The following ST18 variants were observed in gnomAD, a reference collection of about 807,000 sequenced individuals.
ST18 encodes ST18 C2H2C-type zinc finger transcription factor, also known as suppression of tumorigenicity 18 protein.
A neutral mutation model predicts 110.0 loss-of-function variants in ST18; 50 were observed. The observed-to-expected ratio is 0.45, with a 90% CI of 0.36 to 0.58. The LOEUF (loss-of-function observed/expected upper bound fraction) is 0.58. Among genes scored for constraint, ST18 ranks in the 20% least tolerant of loss-of-function variants. ST18 has a pLI of 0.00. For synonymous variants in ST18, 461 were observed against 452.4 expected (o/e 1.02, Z -0.24); for missense variants, 1,306 against 1,280.1 (o/e 1.02, Z -0.31).
intron 2 of ST18, among the ~76,000 whole-genome samples, chr8:52,232,601 G>A (rs7844701): frequency 0.035 from 5,311 of 151,998 alleles, 293 homozygotes; most frequent in African/African-American, 0.12. Context: ...TTTGAAGAAC[G>A]TATTATCCTG....
At chr8:52,353,920 C>T (rs1018193266) in intron 2 of ST18, among the ~76,000 whole-genome samples, 2 of 152,204 alleles carry the variant, frequency 1.3e-5, no homozygotes, top group African/African-American at 4.8e-5. Flanking sequence ...CATGGTGTAG[C>T]TACAAAGTCC....
chr8:52,381,189 C>T (rs1834372535), intron 2 of ST18, among the ~76,000 whole-genome samples: 1 of 152,120 alleles, frequency 6.6e-6, no homozygotes, highest in African/African-American at 2.4e-5. Context: ...GAGGCATGTC[C>T]CAGCTACCTG....
chr8:52,137,126 G>A lies in ST18; in HGVS notation c.2231+295C>T, dbSNP rs1025523928. 9.9e-5 allele frequency among the ~76,000 whole-genome samples: 15 copies of A among 152,180 alleles called. No individual in the cohort carries two copies. The East Asian group carries it at 2.9e-3, about 29-fold the overall frequency. ...TTTTCCTCGGGCAAATGGTCGATTT[G>A]AGTCACTGTTGTATTTATTCCTCAT... On this transcript the variant is annotated intron_variant, in intron 18 of 25. Coordinates refer to ENST00000689386, the MANE Select transcript of ST18 (RefSeq NM_001352837.2).
intron 13 of ST18, 103 bp from the exon 14 acceptor site, chr8:52,161,671 A>G (rs1447879379): frequency 1.5e-6 from 2 of 1,291,976 alleles, no homozygotes; most frequent in African/African-American, 3.0e-5. Flanking sequence ...TCCTGAAGGT[A>G]TCCACAGAGA....
rs967891683 is a variant in ST18, at chr8:52,250,640, A to T, written c.-464-20563T>A. On this transcript the variant is annotated intron_variant, in intron 2 of 25. Coordinates refer to ENST00000689386, the MANE Select transcript of ST18 (RefSeq NM_001352837.2). ...GCCGCAGAGAAAGAAAAGTCAAAAC[A>T]CCATTCATGAAATCACCATCCAAAA... Among the ~76,000 whole-genome samples the T allele has an allele frequency of 2.0e-5, 3 of 148,300 alleles. No homozygotes were observed. The South Asian group carries it at 6.4e-4, about 32-fold the overall frequency.
At chr8:52,234,587 G>T (rs374387985) in intron 2 of ST18, among the ~76,000 whole-genome samples, 1 of 152,020 alleles carries the variant, frequency 6.6e-6, no homozygotes, top group Admixed American at 6.6e-5. Context: ...CCCCACTACT[G>T]GGTATCTACC....
chr8:52,310,829 G>A (rs538236450), intron 2 of ST18, among the ~76,000 whole-genome samples: 1 of 151,170 alleles, frequency 6.6e-6, no homozygotes, highest in South Asian at 2.1e-4. Flanking sequence ...GCCATGAGCA[G>A]GTGACTGATG....
intron 23 of ST18, 147 bp from the exon 24 acceptor site, chr8:52,118,588 T>G (rs2043413628): frequency 3.9e-6 from 2 of 512,508 alleles, no homozygotes; most frequent in African/African-American, 2.0e-5. Context: ...TCTGAAAAAG[T>G]GGATAAGAGA....
chr8:52,172,599 A>G lies in ST18; in HGVS notation c.278-16T>C, dbSNP rs1430157267. The G allele has an allele frequency of 1.3e-6, 2 of 1,536,982 alleles. No homozygotes were observed. Among genetic ancestry groups the G allele is most frequent in the Non-Finnish European group, 1.7e-6 (2 of 1,147,274 alleles). ...ATGATTTCCTCTATGGAAAAAGAAA[A>G]CCAATATTTGAAGAGCAAGAACAAA... On this transcript the variant is annotated splice_polypyrimidine_tract_variant and intron_variant, in intron 9 of 25. Coordinates refer to ENST00000689386, the MANE Select transcript of ST18 (RefSeq NM_001352837.2).
At chr8:52,324,557 G>C (rs907076650) in intron 2 of ST18, among the ~76,000 whole-genome samples, 1 of 152,172 alleles carries the variant, frequency 6.6e-6, no homozygotes, top group South Asian at 2.1e-4. Flanking sequence ...ACGGCAATGG[G>C]AACTAGTGAT....
intron 24 of ST18, among the ~76,000 whole-genome samples, chr8:52,116,700 T>C (rs2042675187): frequency 6.6e-6 from 1 of 152,206 alleles, no homozygotes; most frequent in Non-Finnish European, 1.5e-5. Context: ...TAAAGTAAAC[T>C]TTGCTATTTT....
chr8:52,212,000 T>C (rs936598560), intron 8 of ST18, 79 bp downstream of exon 8: 19 of 1,482,608 alleles, frequency 1.3e-5, no homozygotes, highest in Non-Finnish European at 1.8e-5. Flanking sequence ...AAAAGTATTC[T>C]GAGGCTTGAA....
chr8:52,149,811 T>A lies in ST18; in HGVS notation c.1973A>T (p.Gln658Leu). 6.2e-7 allele frequency: 1 copy of A among 1,614,200 alleles called. No individual in the cohort carries two copies. The highest frequency in any genetic ancestry group is 8.5e-7 in the Non-Finnish European group (1 of 1,180,028). The change falls in exon 16 of 26, where the codon CAG becomes CTG. Residue 658 changes from glutamine (Q) to leucine (L), a missense_variant. By Grantham distance (113) the Gln-to-Leu change is moderately radical (BLOSUM62 -2). Coordinates refer to ENST00000689386, the MANE Select transcript of ST18 (RefSeq NM_001352837.2). ...CCAGCCCTCTTGGTCACAAAGAGCC[T>A]GATAGAATGCTGCATTGACCAGAAT... ...SSILVNAAFY[Q>L]ALCDQEGWDT... is the part of the protein sequence containing the mutation.
chr8:52,198,866 C>T (rs1162347518), intron 8 of ST18, among the ~76,000 whole-genome samples: 1 of 152,200 alleles, frequency 6.6e-6, no homozygotes, highest in Non-Finnish European at 1.5e-5. Flanking sequence ...TCCACATGTA[C>T]CTGTGCCTTC....
chr8:52,271,351 T>G (rs961178511), intron 2 of ST18, among the ~76,000 whole-genome samples: 1 of 152,180 alleles, frequency 6.6e-6, no homozygotes, highest in Non-Finnish European at 1.5e-5. Context: ...TTTTCCATTC[T>G]CTTTCCAATA....
intron 2 of ST18, among the ~76,000 whole-genome samples, chr8:52,312,395 C>T (rs769500743): frequency 6.6e-6 from 1 of 152,142 alleles, no homozygotes; most frequent in African/African-American, 2.4e-5. Context: ...CTATAACTGA[C>T]CCCCCTCTAC....
At chr8:52,212,153 A>G (rs1279121151) in intron 7 of ST18, 44 bp from the exon 8 acceptor site, 1 of 1,573,806 alleles carries the variant, frequency 6.4e-7, no homozygotes, top group Non-Finnish European at 8.6e-7. Flanking sequence ...ATCAGTTGAT[A>G]ATTTTCAAAA....
intron 2 of ST18, among the ~76,000 whole-genome samples, chr8:52,398,650 A>C (rs1052368047): frequency 8.5e-5 from 13 of 152,154 alleles, no homozygotes; most frequent in African/African-American, 3.1e-4. Context: ...AACTTTGTCA[A>C]ATGTTTTGTC....
Position 52,396,625 on chromosome 8 carries a change from C to A in ST18, c.-465+12703G>T, listed in dbSNP as rs574645332. ...TGGCAGAAGGGGAAGCAAACACATCCTTTTTCACAAGGTGGCAGGAGAGAG... is the reference window on the plus strand; with the variant it reads ...TGGCAGAAGGGGAAGCAAACACATCATTTTTCACAAGGTGGCAGGAGAGAG... On this transcript the variant is annotated intron_variant, in intron 2 of 25. Transcript: ENST00000689386. Among the ~76,000 whole-genome samples, 16 of 152,274 alleles carry A rather than the reference C, an allele frequency of 1.1e-4. No individual in the cohort carries two copies. The South Asian group carries it at 2.5e-3, about 24-fold the overall frequency.
Sources: allele counts gnomAD v4.1 joint callset (sites outside exome capture counted in the v4.1 genomes callset), GRCh38; gene constraint gnomAD v4.1.1; transcripts MANE v1.5; gene names NCBI Gene and HGNC (gene_info 2026-07-23, HGNC 2026-07-21).